The following TOM1L1 variants were observed in gnomAD, a reference collection of about 807,000 sequenced individuals.
The protein encoded by TOM1L1 is target of myb1 like 1 membrane trafficking protein, also known as TOM1-like protein 1.
Under a neutral mutation model 63.4 loss-of-function variants are expected in TOM1L1, and 64 were observed. The observed-to-expected ratio is 1.01, with a 90% CI of 0.83 to 1.24. The LOEUF (loss-of-function observed/expected upper bound fraction) is 1.24. TOM1L1 is among the 50% of genes most tolerant of loss of function. TOM1L1 has a pLI of 0.00. For synonymous variants in TOM1L1, 166 were observed against 194.4 expected, an observed-to-expected ratio of 0.85 and a Z score of 1.22; for missense variants, 536 against 567.0, an observed-to-expected ratio of 0.95 and a Z score of 0.55.
intron 1 of TOM1L1, among the ~76,000 whole-genome samples, chr17:54,902,017 C>G (rs1433195957): frequency 1.3e-5 from 2 of 152,138 alleles, no homozygotes; most frequent in Non-Finnish European, 2.9e-5. Flanking sequence ...TAAACATGGA[C>G]TAACTGTCAG....
chr17:54,912,781 T>A lies in TOM1L1; in HGVS notation c.338T>A (p.Leu113Ter), dbSNP rs2048517831. Residue 113 changes from leucine (L) to a stop codon, truncating the protein, a stop_gained, in exon 4 of 16, where the codon TTA (leucine) becomes TAA (stop). Transcript: ENST00000575882. LOFTEE classifies it high-confidence loss of function. ...CTGAATCCCAGATACAACTTGCCAT[T>A]AGACATTCAGAATAGAATCTTGAAT... ...KLLNPRYNLP[L>*]DIQNRILNFI... 1 of 1,610,384 alleles carries A rather than the reference T, an allele frequency of 6.2e-7. No homozygotes were observed. Among genetic ancestry groups the A allele is most frequent in the Non-Finnish European group, 8.5e-7 (1 of 1,179,102 alleles).
intron 4 of TOM1L1, 61 bp downstream of exon 4, chr17:54,912,876 AC>A: frequency 7.4e-7 from 1 of 1,347,426 alleles, no homozygotes; most frequent in Non-Finnish European, 9.8e-7. Context: ...TTAATAGCTT[AC>A]CTCCTGATTG....
In TOM1L1 at chr17:54,914,667, C is replaced by T. The variant is rs751976511; in HGVS notation, c.527C>T (p.Thr176Ile). 3.7e-6 allele frequency: 6 copies of T among 1,613,876 alleles called. No homozygotes were observed. Among genetic ancestry groups the T allele is most frequent in the Non-Finnish European group, 4.2e-6 (5 of 1,179,806 alleles). ...GCTCAAATCTCATCAAATCCTCCAACATCTGTCCCTACTGCACCAGCTCTT... is the reference window on the plus strand; with the variant it reads ...GCTCAAATCTCATCAAATCCTCCAATATCTGTCCCTACTGCACCAGCTCTT... ...ETAQISSNPPTSVPTAPALSS... is the reference protein window; with the variant it reads ...ETAQISSNPPISVPTAPALSS... Residue 176 changes from threonine to isoleucine, a missense_variant, in exon 6 of 16, where the codon ACA becomes ATA. Transcript: ENST00000575882.
intron 7 of TOM1L1, 50 bp from the exon 8 acceptor site, chr17:54,930,023 A>T (rs1056541233): frequency 6.2e-7 from 1 of 1,611,436 alleles, no homozygotes; most frequent in African/African-American, 1.3e-5. Flanking sequence ...AGATGTCTTT[A>T]TAGAATGTTC....
rs541209118 is a variant in TOM1L1 at position 54,939,024 on chromosome 17, A to T, written c.1130+4A>T. On this transcript the variant is annotated splice_donor_region_variant and intron_variant, in intron 11 of 15. Coordinates refer to ENST00000575882, the MANE Select transcript of TOM1L1 (RefSeq NM_005486.3). ...TGGAGAATACAGAGATACCCCCGTA[A>T]GTATGTCAGTAACACTGCAGAACTA... is the stretch of plus-strand genomic sequence containing the variant. The T allele has an allele frequency of 6.4e-7, 1 of 1,550,832 alleles. No homozygotes were observed. The highest frequency in any genetic ancestry group is 2.2e-5 in the East Asian group (1 of 44,508).
intron 5 of TOM1L1, 30 bp from the exon 6 acceptor site, chr17:54,914,609 T>A: frequency 6.3e-7 from 1 of 1,575,570 alleles, no homozygotes; most frequent in Middle Eastern, 1.7e-4. Context: ...TTAATTCACA[T>A]AATAATATTA....
chr17:54,914,634 C>G lies in TOM1L1; in HGVS notation c.499-5C>G. 1 of 1,608,790 alleles carries G rather than the reference C, an allele frequency of 6.2e-7. No individual in the cohort carries two copies. Among genetic ancestry groups the G allele is most frequent in the Non-Finnish European group, 8.5e-7 (1 of 1,175,488 alleles). ...TAATAATATTACCATGTTTCATACT[C>G]ATAGACTGCTCAAATCTCATCAAAT... is the stretch of plus-strand genomic sequence containing the variant. On this transcript the variant is annotated splice_polypyrimidine_tract_variant and splice_region_variant and intron_variant, in intron 5 of 15. Transcript: ENST00000575882.
Position 54,914,633 on chromosome 17 carries a change from T to C in TOM1L1, c.499-6T>C, listed in dbSNP as rs540806954. ...ATAATAATATTACCATGTTTCATAC[T>C]CATAGACTGCTCAAATCTCATCAAA... On this transcript the variant is annotated splice_polypyrimidine_tract_variant and splice_region_variant and intron_variant, in intron 5 of 15. Coordinates refer to ENST00000575882, the MANE Select transcript of TOM1L1 (RefSeq NM_005486.3). The C allele has an allele frequency of 6.2e-7, 1 of 1,607,724 alleles. No individual in the cohort carries two copies. The highest frequency in any genetic ancestry group is 1.3e-5 in the African/African-American group (1 of 74,910).
At position 54,938,906 on chromosome 17, in the gene TOM1L1, G is replaced by T; in HGVS notation, c.1034-18G>T. On this transcript the variant is annotated intron_variant, in intron 10 of 15. Coordinates refer to ENST00000575882, the MANE Select transcript of TOM1L1 (RefSeq NM_005486.3). ...GACAAAATGTTTTAAAGCCAAACAAGTCCATTTTGTGTTTTAGATTTCAGC... is the reference window on the plus strand; with the variant it reads ...GACAAAATGTTTTAAAGCCAAACAATTCCATTTTGTGTTTTAGATTTCAGC... 6.5e-7 allele frequency: 1 copy of T among 1,536,684 alleles called. No individual in the cohort carries two copies.
At chr17:54,926,840 G>A (rs1001638072) in intron 7 of TOM1L1, among the ~76,000 whole-genome samples, 1 of 152,202 alleles carries the variant, frequency 6.6e-6, no homozygotes, top group African/African-American at 2.4e-5. Flanking sequence ...GGTGGAGCTG[G>A]AAGGAGAACT....
At chr17:54,910,505 A>G (rs2048481305) in intron 3 of TOM1L1, among the ~76,000 whole-genome samples, 1 of 152,224 alleles carries the variant, frequency 6.6e-6, no homozygotes, top group Non-Finnish European at 1.5e-5. Flanking sequence ...AGCAAGAAAT[A>G]CACCTAGGGA....
At chr17:54,905,708 A>C (rs967835627) in intron 3 of TOM1L1, 141 bp downstream of exon 3, 2 of 552,368 alleles carry the variant, frequency 3.6e-6, no homozygotes, top group Non-Finnish European at 6.4e-6. Context: ...ATGACTTAAA[A>C]CTCTTCATTT....
At chr17:54,948,971 G>GTT (rs111943244) in intron 12 of TOM1L1, among the ~76,000 whole-genome samples, 2 of 151,046 alleles carry the variant, frequency 1.3e-5, no homozygotes, top group African/African-American at 4.9e-5. Context: ...GCAATATATG[G>GTT]TTTTTTTTTC....
At chr17:54,902,854 A>C (rs1397010099) in intron 1 of TOM1L1, among the ~76,000 whole-genome samples, 1 of 152,232 alleles carries the variant, frequency 6.6e-6, no homozygotes, top group Non-Finnish European at 1.5e-5. Flanking sequence ...ATCTAATCAT[A>C]GGGTTCCAAG....
At chr17:54,931,086 AGT>A (rs1016049096) in intron 8 of TOM1L1, among the ~76,000 whole-genome samples, 1 of 152,050 alleles carries the variant, frequency 6.6e-6, no homozygotes, top group Non-Finnish European at 1.5e-5. Flanking sequence ...CCTTAGGGGC[AGT>A]GTTTCTGTTG....
Position 54,960,555 on chromosome 17 carries a change from C to T in TOM1L1, c.1371-11C>T. 9 of 1,611,150 alleles carry T rather than the reference C, an allele frequency of 5.6e-6. No homozygotes were observed. The highest frequency in any genetic ancestry group is 1.8e-4 in the Middle Eastern group (1 of 5,550). ...ATACATAACCCTTTTGCTGTGATGG[C>T]TTTGTTTCAGAGCTATTTATGAAGA... On this transcript the variant is annotated splice_polypyrimidine_tract_variant and intron_variant, in intron 14 of 15. Coordinates refer to ENST00000575882, the MANE Select transcript of TOM1L1 (RefSeq NM_005486.3).
At chr17:54,923,112 T>A (rs2048710137) in intron 7 of TOM1L1, among the ~76,000 whole-genome samples, 1 of 152,242 alleles carries the variant, frequency 6.6e-6, no homozygotes, top group African/African-American at 2.4e-5. Flanking sequence ...TCATTGTATA[T>A]CCCACGTTTT....
chr17:54,907,007 C>T (rs899206045), intron 3 of TOM1L1, among the ~76,000 whole-genome samples: 2 of 152,144 alleles, frequency 1.3e-5, no homozygotes, highest in Non-Finnish European at 2.9e-5. Flanking sequence ...CTCCTGGTTT[C>T]TAGTTACATG....
In TOM1L1 at chr17:54,906,839, A is replaced by C. The variant is rs1005835428; in HGVS notation, c.222+1272A>C. 8.1e-6 allele frequency: 8 copies of C among 982,906 alleles called. No individual in the cohort carries two copies. In the Admixed American group the frequency reaches 3.7e-4, roughly 45 times the overall value. 60.9% of individuals were successfully genotyped at this position (982,906 alleles called of 1,614,324 possible). A position where few individuals can be genotyped will look rare whatever the true frequency, so the allele number is the denominator to read the frequency against. On this transcript the variant is annotated intron_variant, in intron 3 of 15. Coordinates refer to ENST00000575882, the MANE Select transcript of TOM1L1 (RefSeq NM_005486.3). The stretch of plus-strand genomic sequence containing the variant: ...TGTTGCAAGCCCTGCCTGCTGCCTG[A>C]GAGTGAGCTGTGTAGCTTTCTGATT...
Sources: gnomAD v4.1 joint callset for allele counts (sites outside exome capture counted in the v4.1 genomes callset) on GRCh38, gnomAD v4.1.1 for gene constraint, MANE v1.5 for transcripts, NCBI Gene and HGNC (gene_info 2026-07-23, HGNC 2026-07-21) for gene names.